Variants in FAM81A observed in about 807,000 individuals in gnomAD.
FAM81A encodes protein FAM81A.
In FAM81A, 19 loss-of-function variants were observed where a neutral mutation model predicts 46.7. The observed-to-expected ratio is 0.41, with a 90% CI of 0.28 to 0.60. The LOEUF (loss-of-function observed/expected upper bound fraction) is 0.60. Ranked by LOEUF, FAM81A falls within the 20% of genes least tolerant of loss-of-function variation. The probability of loss-of-function intolerance (pLI) is 0.34; values close to 1 mark genes in which losing one functional copy is unlikely to be tolerated. For missense variants in FAM81A, 377 were observed against 453.5 expected (o/e 0.83, Z 1.53); for synonymous variants, 183 against 152.9 (o/e 1.20, Z -1.45).
intron 8 of FAM81A, among the ~76,000 whole-genome samples, chr15:59,518,937 G>GTGTC (rs1367788435): frequency 1.8e-4 from 22 of 124,752 alleles, no homozygotes; most frequent in African/African-American, 6.3e-4. Context: ...ATTTGTGTGT[G>GTGTC]TGTGTCTGTG....
intron 5 of FAM81A, among the ~76,000 whole-genome samples, chr15:59,508,043 A>G (rs1340697961): frequency 6.6e-6 from 1 of 152,242 alleles, no homozygotes; most frequent in Non-Finnish European, 1.5e-5. Context: ...ATCATCTCCA[A>G]TAAGAATATA....
intron 1 of FAM81A, among the ~76,000 whole-genome samples, chr15:59,456,975 T>C (rs1195206508): frequency 6.6e-6 from 1 of 152,230 alleles, no homozygotes; most frequent in East Asian, 1.9e-4. Flanking sequence ...AGATGCCAAA[T>C]ACATGTTTCT....
At position 59,507,213 on chromosome 15, in the gene FAM81A, A is replaced by G; in HGVS notation, c.414A>G (p.Arg138=). The G allele has an allele frequency of 6.2e-7, 1 of 1,609,710 alleles. No homozygotes were observed. Among genetic ancestry groups the G allele is most frequent in the Non-Finnish European group, 8.5e-7 (1 of 1,177,918 alleles). The change falls in exon 5 of 9, where the codon AGA becomes AGG. Residue 138 remains arginine, a splice_region_variant and synonymous_variant. Transcript: ENST00000288228. The stretch of plus-strand genomic sequence containing the variant: ...TCAGCTTTGTTCTTTGTCTGGACAG[A>G]TGTGATGCCAGCATAGCTAGACTTT... The part of the protein sequence containing the change: ...GLGDLRGRVA[R]CDASIARLSA...
In FAM81A at chr15:59,476,257, C is replaced by G. The variant is rs185269081; in HGVS notation, c.295-16014C>G. Among the ~76,000 whole-genome samples the G allele has an allele frequency of 2.1e-3, 307 of 149,354 alleles. 2 individuals are homozygous for G. Among genetic ancestry groups the G allele is most frequent in the African/African-American group, 7.2e-3 (293 of 40,586 alleles). On this transcript the variant is annotated intron_variant, in intron 3 of 8. Transcript: ENST00000288228. ...TTTTTTTTTTAGACTGGGTCTTGCT[C>G]TGTCATTCAGGCTGGAATGCAGTGG...
chr15:59,507,084 C>A, intron 4 of FAM81A, 129 bp from the exon 5 acceptor site: 2 of 1,209,882 alleles, frequency 1.7e-6, no homozygotes, highest in Non-Finnish European at 1.1e-6. Flanking sequence ...TCATTTGAAC[C>A]TCTGTTCAAA....
intron 2 of FAM81A, among the ~76,000 whole-genome samples, chr15:59,414,651 C>A (rs1368093779): frequency 1.3e-5 from 2 of 151,320 alleles, no homozygotes; most frequent in African/African-American, 4.8e-5. Context: ...CAACTGAGTT[C>A]TTTTTTGAGG....
rs539127613 is a variant in FAM81A at position 59,479,234 on chromosome 15, G to A, written c.295-13037G>A. The stretch of plus-strand genomic sequence containing the variant: ...GGCTGTCTTAGAAAGGATGGTGGCC[G>A]GGCGCGGTGGCTCATGCCTGTAATC... On this transcript the variant is annotated intron_variant, in intron 3 of 8. Coordinates refer to ENST00000288228, the MANE Select transcript of FAM81A (RefSeq NM_152450.3). Among the ~76,000 whole-genome samples, 37 of 152,256 alleles carry A rather than the reference G, an allele frequency of 2.4e-4. No individual in the cohort carries two copies. In the South Asian group the frequency reaches 6.8e-3, roughly 28 times the overall value.
chr15:59,407,633 G>T, intron 2 of FAM81A: 1 of 162,874 alleles, frequency 6.1e-6, no homozygotes, highest in South Asian at 1.5e-4. Context: ...GCTGAGGCTG[G>T]GGGCAGGCAG....
intron 3 of FAM81A, 136 bp from the exon 4 acceptor site, chr15:59,492,135 C>G (rs4291860): frequency 1.6e-6 from 1 of 638,730 alleles, no homozygotes; most frequent in South Asian, 1.9e-5. Context: ...TTAAGTGTGC[C>G]TTAGGTGACT....
intron 6 of FAM81A, among the ~76,000 whole-genome samples, chr15:59,512,170 G>A (rs947039731): frequency 1.3e-5 from 2 of 151,940 alleles, no homozygotes; most frequent in Non-Finnish European, 2.9e-5. Context: ...CGTTCCATTT[G>A]TATAAAATTT....
At chr15:59,476,108 G>C (rs2081763779) in intron 3 of FAM81A, among the ~76,000 whole-genome samples, 1 of 152,160 alleles carries the variant, frequency 6.6e-6, no homozygotes. Context: ...GCAGAAGCAA[G>C]ACCTTCTTTT....
At chr15:59,413,725 G>A (rs1432601153) in intron 2 of FAM81A, among the ~76,000 whole-genome samples, 1 of 152,082 alleles carries the variant, frequency 6.6e-6, no homozygotes, top group African/African-American at 2.4e-5. Flanking sequence ...TCTGAGACCA[G>A]CCTGGGCAGC....
intron 3 of FAM81A, among the ~76,000 whole-genome samples, chr15:59,473,720 C>G (rs2081728497): frequency 6.6e-6 from 1 of 152,134 alleles, no homozygotes; most frequent in Non-Finnish European, 1.5e-5. Flanking sequence ...TTAAGAAATC[C>G]TGGTCTTAAT....
chr15:59,476,533 C>T (rs1224257043), intron 3 of FAM81A, among the ~76,000 whole-genome samples: 1 of 152,170 alleles, frequency 6.6e-6, no homozygotes, highest in African/African-American at 2.4e-5. Flanking sequence ...AATCCCATCA[C>T]TTTGGGTGTG....
chr15:59,449,335 T>C (rs2081387752), intron 1 of FAM81A, among the ~76,000 whole-genome samples: 2 of 152,228 alleles, frequency 1.3e-5, no homozygotes, highest in South Asian at 4.1e-4. Flanking sequence ...AAGTAAAAGA[T>C]ATGTTTAGTC....
rs148029771 is a variant in FAM81A at position 59,485,015 on chromosome 15, T to C, written c.295-7256T>C. 1.2e-4 allele frequency among the ~76,000 whole-genome samples: 18 copies of C among 152,184 alleles called. No homozygotes were observed. In the East Asian group the frequency reaches 2.7e-3, roughly 23 times the overall value. Reference sequence around the variant, plus strand: ...ATTCCCTTTGGGCATGTGGTAGACGTAGGGAGACTCCTCACCCTGGGGAAA... The same window carrying C: ...ATTCCCTTTGGGCATGTGGTAGACGCAGGGAGACTCCTCACCCTGGGGAAA... On this transcript the variant is annotated intron_variant, in intron 3 of 8. Transcript: ENST00000288228.
chr15:59,468,558 C>G (rs1292769768), intron 3 of FAM81A, among the ~76,000 whole-genome samples: 1 of 151,712 alleles, frequency 6.6e-6, no homozygotes, highest in Non-Finnish European at 1.5e-5. Flanking sequence ...GGTGATATCC[C>G]CTTTACCATT....
intron 4 of FAM81A, 121 bp from the exon 5 acceptor site, chr15:59,507,092 A>G (rs2082156998): frequency 7.7e-7 from 1 of 1,295,442 alleles, no homozygotes; most frequent in African/African-American, 1.5e-5. Context: ...ACCTCTGTTC[A>G]AAAGAATGAT....
chr15:59,465,761 A>T (rs2081604960), intron 3 of FAM81A, among the ~76,000 whole-genome samples: 1 of 152,092 alleles, frequency 6.6e-6, no homozygotes, highest in African/African-American at 2.4e-5. Flanking sequence ...TTTGATACAT[A>T]GTTATACATG....
Sources: gnomAD v4.1 joint callset for allele counts (sites outside exome capture counted in the v4.1 genomes callset) on GRCh38, gnomAD v4.1.1 for gene constraint, MANE v1.5 for transcripts, NCBI Gene and HGNC (gene_info 2026-07-23, HGNC 2026-07-21) for gene names.